Variants in PDGFRA observed in about 807,000 individuals in gnomAD.
PDGFRA encodes the protein platelet derived growth factor receptor alpha, also known as platelet-derived growth factor receptor alpha.
A neutral mutation model predicts 121.5 loss-of-function variants in PDGFRA; 25 were observed. The ratio of observed to expected loss-of-function variants is 0.21; its 90% CI spans 0.15 to 0.29. PDGFRA has a LOEUF of 0.29. Ranked by LOEUF, PDGFRA falls within the 10% of genes least tolerant of loss-of-function variation. The probability of loss-of-function intolerance (pLI) is 1.00; values close to 1 mark genes in which losing one functional copy is unlikely to be tolerated. For synonymous variants in PDGFRA, 463 were observed against 494.8 expected, an observed-to-expected ratio of 0.94 and a Z score of 0.85; for missense variants, 1,008 against 1,345.1, an observed-to-expected ratio of 0.75 and a Z score of 3.92.
Position 54,294,199 on chromosome 4 carries a change from C to T in PDGFRA, c.3123-926C>T, listed in dbSNP as rs115508955. 5.3e-3 allele frequency among the ~76,000 whole-genome samples: 803 copies of T among 151,764 alleles called. 7 individuals are homozygous for T. Among genetic ancestry groups the T allele is most frequent in the African/African-American group, 0.017 (721 of 41,330 alleles). On this transcript the variant is annotated intron_variant, in intron 22 of 22. Coordinates refer to ENST00000257290, the MANE Select transcript of PDGFRA (RefSeq NM_006206.6). ...AACGTGTTTATATCTCTTGAGCATA[C>T]GGTGTTCCTCCAAGTTTTGGGGGTC...
intron 16 of PDGFRA, among the ~76,000 whole-genome samples, chr4:54,283,419 T>C (rs1366791069): frequency 6.6e-6 from 1 of 152,226 alleles, no homozygotes; most frequent in Non-Finnish European, 1.5e-5. Flanking sequence ...AAGCTGCACC[T>C]GAACTCCTTT....
At chr4:54,279,091 G>A (rs2412556) in intron 15 of PDGFRA, 239,510 of 305,956 alleles carry the variant, frequency 0.78, 96,585 homozygotes, top group Middle Eastern at 0.87. Context: ...AAGCCACATG[G>A]CCACACGGCT....
In PDGFRA at chr4:54,297,958, T is replaced by C. The variant is rs1724958258; in HGVS notation, c.*2686T>C. 1 of 232,692 alleles carries C rather than the reference T, an allele frequency of 4.3e-6. No individual in the cohort carries two copies. The highest frequency in any genetic ancestry group is 5.6e-5 in the Admixed American group (1 of 17,782). The allele number at this position is 232,692 out of a possible 1,614,324, so 14.4% of individuals were successfully genotyped here. On this transcript the variant is annotated 3_prime_UTR_variant, in exon 23 of 23. Coordinates refer to ENST00000257290, the MANE Select transcript of PDGFRA (RefSeq NM_006206.6). Reference sequence around the variant, plus strand: ...TTGGAGAATACTGCCAAAACATTTATGACAAGCTGTATCACTGCCTTCGTT... The same window carrying C: ...TTGGAGAATACTGCCAAAACATTTACGACAAGCTGTATCACTGCCTTCGTT...
intron 22 of PDGFRA, among the ~76,000 whole-genome samples, chr4:54,291,664 G>A (rs781172682): frequency 4.0e-5 from 6 of 151,728 alleles, no homozygotes; most frequent in African/African-American, 9.7e-5. Context: ...AAGGGGAAGC[G>A]TATACACTGC....
intron 16 of PDGFRA, among the ~76,000 whole-genome samples, chr4:54,283,971 T>TAGCTTCCAA (rs1724191453): frequency 1.3e-5 from 2 of 152,208 alleles, no homozygotes; most frequent in South Asian, 4.1e-4. Context: ...CTGTAGGCTA[T>TAGCTTCCAA]TGGAAGCAGC....
At chr4:54,287,381 A>T (rs758426388) in intron 18 of PDGFRA, 49 bp from the exon 19 acceptor site, 1 of 803,356 alleles carries the variant, frequency 1.2e-6, no homozygotes, top group South Asian at 1.3e-5. Flanking sequence ...ACTGCTGTGG[A>T]TCATCAGTGA....
chr4:54,293,136 T>C (rs1264961197), intron 22 of PDGFRA, among the ~76,000 whole-genome samples: 1 of 152,236 alleles, frequency 6.6e-6, no homozygotes, highest in East Asian at 1.9e-4. Flanking sequence ...ACTATGTCTC[T>C]ATTTTTTGCC....
chr4:54,263,628 T>G, intron 3 of PDGFRA, 39 bp from the exon 4 acceptor site: 1 of 1,600,904 alleles, frequency 6.2e-7, no homozygotes, highest in Non-Finnish European at 8.6e-7. Flanking sequence ...AAGGTGAAAT[T>G]AATGTCTAAT....
At chr4:54,259,745 A>G (rs1203683781) in intron 2 of PDGFRA, among the ~76,000 whole-genome samples, 3 of 152,204 alleles carry the variant, frequency 2.0e-5, no homozygotes, top group Non-Finnish European at 4.4e-5. Context: ...GGTGATCCAG[A>G]TGTACTTACA....
At chr4:54,255,463 G>T (rs1374431917) in intron 1 of PDGFRA, among the ~76,000 whole-genome samples, 2 of 151,212 alleles carry the variant, frequency 1.3e-5, no homozygotes, top group African/African-American at 4.9e-5. Flanking sequence ...CCCAACTCAG[G>T]CTAAATACAG....
chr4:54,243,318 A>G (rs1721415492), intron 1 of PDGFRA, among the ~76,000 whole-genome samples: 1 of 152,232 alleles, frequency 6.6e-6, no homozygotes, highest in African/African-American at 2.4e-5. Flanking sequence ...AAGAGTTAAC[A>G]TTATAGCATA....
At chr4:54,257,116 C>T (rs1446621176) in intron 1 of PDGFRA, among the ~76,000 whole-genome samples, 1 of 152,212 alleles carries the variant, frequency 6.6e-6, no homozygotes, top group Non-Finnish European at 1.5e-5. Context: ...ATGAAAGTGA[C>T]CTCTGGTCAT....
intron 1 of PDGFRA, among the ~76,000 whole-genome samples, chr4:54,245,040 C>T (rs1352233374): frequency 2.0e-5 from 3 of 152,162 alleles, no homozygotes; most frequent in Non-Finnish European, 4.4e-5. Flanking sequence ...AAGAAACGAA[C>T]AAAGCCTCCA....
Position 54,278,037 on chromosome 4 carries a change from CACT to C in PDGFRA, c.2002+32_2002+34del, listed in dbSNP as rs1200009362. On this transcript the variant is annotated intron_variant, in intron 14 of 22. Transcript: ENST00000257290. ...CTCACTGACCTGGAGTGAGGATTTT[CACT>C]GGACACATGTGGTTGTGAAAACTGT... 5 of 1,245,220 alleles carry C rather than the reference CACT, an allele frequency of 4.0e-6. No homozygotes were observed. In the African/African-American group the frequency reaches 4.4e-5, roughly 11 times the overall value. 77.1% of individuals were successfully genotyped at this position (1,245,220 alleles called of 1,614,324 possible).
intron 1 of PDGFRA, among the ~76,000 whole-genome samples, chr4:54,238,882 G>A (rs577742457): frequency 6.6e-6 from 1 of 152,268 alleles, no homozygotes; most frequent in Admixed American, 6.5e-5. Flanking sequence ...GGGCAGTTGG[G>A]TGGCAGGCTG....
At chr4:54,266,393 C>CTT (rs1034339575) in intron 5 of PDGFRA, among the ~76,000 whole-genome samples, 1 of 144,750 alleles carries the variant, frequency 6.9e-6, no homozygotes, top group African/African-American at 2.5e-5. Context: ...GTATTTCTTT[C>CTT]TTTTTTTTTT....
chr4:54,287,143 C>A (rs1364911554), intron 18 of PDGFRA, among the ~76,000 whole-genome samples: 1 of 152,182 alleles, frequency 6.6e-6, no homozygotes, highest in Admixed American at 6.5e-5. Flanking sequence ...TCAGGGCTTA[C>A]ACCTTTTGGG....
Position 54,261,418 on chromosome 4 carries a change from T to G in PDGFRA, c.367+6T>G. The stretch of plus-strand genomic sequence containing the variant: ...CATTTACATCTATGTGCCAGGTGAG[T>G]TGGCTGGGTCTCCAGGACCAAGCTT... On this transcript the variant is annotated splice_donor_region_variant and intron_variant, in intron 3 of 22. Transcript: ENST00000257290. 6.2e-7 allele frequency: 1 copy of G among 1,610,584 alleles called. No individual in the cohort carries two copies. Among genetic ancestry groups the G allele is most frequent in the Non-Finnish European group, 8.5e-7 (1 of 1,176,994 alleles).
At chr4:54,287,353 G>C (rs984987829) in intron 18 of PDGFRA, 77 bp from the exon 19 acceptor site, 3 of 780,320 alleles carry the variant, frequency 3.8e-6, no homozygotes, top group Non-Finnish European at 7.1e-6. Context: ...AGCCCAAGGG[G>C]AACCCTTTTC....
Sources: allele counts gnomAD v4.1 joint callset (sites outside exome capture counted in the v4.1 genomes callset), GRCh38; gene constraint gnomAD v4.1.1; transcripts MANE v1.5; gene names NCBI Gene and HGNC (gene_info 2026-07-23, HGNC 2026-07-21).